PCOLCE: variants seen among roughly 807,000 people sequenced by gnomAD.
PCOLCE encodes procollagen C-endopeptidase enhancer 1.
In PCOLCE, 33 loss-of-function variants were observed where a neutral mutation model predicts 47.2. The observed-to-expected ratio is 0.70, with a 90% CI of 0.53 to 0.93. The LOEUF is 0.93. PCOLCE is among the 40% of genes least tolerant of loss of function. The pLI is 0.00. For synonymous variants in PCOLCE, 254 were observed against 252.5 expected (o/e 1.01, Z -0.06); for missense variants, 584 against 585.3 (o/e 1.00, Z 0.02).
chr7:100,605,212 CCA>C lies in PCOLCE; in HGVS notation c.586_587del (p.Gln196GlyfsTer10). On this transcript the variant is annotated frameshift_variant and splice_region_variant, in exon 4 of 9. Coordinates refer to ENST00000223061, the MANE Select transcript of PCOLCE (RefSeq NM_002593.4). LOFTEE classifies it high-confidence loss of function. This position sits in a 1 kb window ranked among gnomAD's most constrained non-coding sequence, Gnocchi z 6.1. Reference protein sequence around the residue: ...CSWHIIAPPDQVIALTFEKFD... With the variant: ...CSWHIIAPPDXVIALTFEKFD... ...CCTGGCACATCATCGCGCCCCCGGA[CCA>C]GGTACCGACCCTCCTCCCCGGGCTG... is the stretch of plus-strand genomic sequence containing the variant. 1 of 1,611,790 alleles carries C rather than the reference CCA, an allele frequency of 6.2e-7. No individual in the cohort carries two copies. The highest frequency in any genetic ancestry group is 8.5e-7 in the Non-Finnish European group (1 of 1,178,958).
intron 1 of PCOLCE, 72 bp downstream of exon 1, chr7:100,602,623 GA>G: frequency 9.9e-7 from 1 of 1,009,162 alleles, no homozygotes; most frequent in Non-Finnish European, 1.6e-6. Flanking sequence ...GTTATGCCTG[GA>G]GATATTTTGG....
chr7:100,602,488 G>T lies in PCOLCE; in HGVS notation c.32G>T (p.Gly11Val). MLPAATASLL[G>V]PLLTACALLP... ...CCTGCAGCCACAGCCTCCCTCCTGG[G>T]GCCCCTCCTCACTGCCTGCGCCCTG... Residue 11 changes from glycine (G) to valine (V), a missense_variant, in exon 1 of 9, where the codon GGG (glycine) becomes GTG (valine). Coordinates refer to ENST00000223061, the MANE Select transcript of PCOLCE (RefSeq NM_002593.4). 1 of 1,612,834 alleles carries T rather than the reference G, an allele frequency of 6.2e-7. No homozygotes were observed.
chr7:100,607,875 T>C (rs969896423), intron 8 of PCOLCE, 62 bp from the exon 9 acceptor site: 11 of 1,610,924 alleles, frequency 6.8e-6, no homozygotes, highest in Non-Finnish European at 9.3e-6. Context: ...AGGTGTGGAA[T>C]CTTGAGACCT....
chr7:100,605,277 C>T lies in PCOLCE; in HGVS notation c.588+62C>T. The T allele has an allele frequency of 6.5e-7, 1 of 1,530,614 alleles. No homozygotes were observed. The highest frequency in any genetic ancestry group is 2.3e-5 in the East Asian group (1 of 42,832). 94.8% of individuals were successfully genotyped at this position (1,530,614 alleles called of 1,614,324 possible). A position where few individuals can be genotyped will look rare whatever the true frequency, so the allele number is the denominator to read the frequency against. On this transcript the variant is annotated intron_variant, in intron 4 of 8. Coordinates refer to ENST00000223061, the MANE Select transcript of PCOLCE (RefSeq NM_002593.4). This position sits in a 1 kb window ranked among gnomAD's most constrained non-coding sequence, Gnocchi z 6.1. ...CAGGCGGCGCCCTCCAGCTTGCAGC[C>T]AGCAGAGATTTATTGAAGATCTGCT...
chr7:100,607,847 G>C (rs747972425), intron 8 of PCOLCE, 40 bp downstream of exon 8: 1 of 1,613,380 alleles, frequency 6.2e-7, no homozygotes, highest in African/African-American at 1.3e-5. Flanking sequence ...GTCAAGCTAA[G>C]CCACACAGAA....
At chr7:100,602,708 C>T (rs531455768) in intron 1 of PCOLCE, 157 bp downstream of exon 1, 1 of 620,024 alleles carries the variant, frequency 1.6e-6, no homozygotes, top group Admixed American at 2.7e-5. Context: ...TCCTCCCCAT[C>T]TGCTGCAAGA....
rs1199468569 is a variant in PCOLCE at position 100,606,640 on chromosome 7, G to A, written c.940+10G>A. ...TCTCCTTCAGCCCCTGGTGAGTCTG[G>A]GATAGGGGAGGAAGGGGAAACAGAC... On this transcript the variant is annotated intron_variant, in intron 6 of 8. Coordinates refer to ENST00000223061, the MANE Select transcript of PCOLCE (RefSeq NM_002593.4). The A allele has an allele frequency of 1.3e-6, 2 of 1,578,884 alleles. No individual in the cohort carries two copies. Among genetic ancestry groups the A allele is most frequent in the Non-Finnish European group, 1.7e-6 (2 of 1,157,288 alleles).
intron 1 of PCOLCE, chr7:100,603,159 G>A: frequency 2.7e-6 from 1 of 368,506 alleles, no homozygotes; most frequent in East Asian, 4.8e-5. Context: ...GGAGGATTCC[G>A]GGAATTCCTG....
chr7:100,606,980 A>G (rs1466427842), intron 6 of PCOLCE, among the ~76,000 whole-genome samples: 1 of 151,484 alleles, frequency 6.6e-6, no homozygotes, highest in Non-Finnish European at 1.5e-5. Context: ...AATCCCAGCT[A>G]CTCGGGAGGC....
At position 100,605,900 on chromosome 7, in the gene PCOLCE, G is replaced by A. The variant is rs1168111051; in HGVS notation, c.725+88G>A. The stretch of plus-strand genomic sequence containing the variant: ...TGGAGGGGCGGGGTTCAGCTAAAGG[G>A]ACGGGATCTGAACCCCAGGGCTCCA... On this transcript the variant is annotated intron_variant, in intron 5 of 8. Transcript: ENST00000223061. This position sits in a 1 kb window ranked among gnomAD's most constrained non-coding sequence, Gnocchi z 6.1. 6 of 1,396,682 alleles carry A rather than the reference G, an allele frequency of 4.3e-6. No individual in the cohort carries two copies. The Admixed American group carries it at 8.5e-5, about 20-fold the overall frequency. 86.5% of individuals were successfully genotyped at this position (1,396,682 alleles called of 1,614,324 possible).
In PCOLCE at chr7:100,604,203, C is replaced by T; in HGVS notation, c.449C>T (p.Ala150Val). 6.2e-7 allele frequency: 1 copy of T among 1,611,520 alleles called. No homozygotes were observed. ...TTCCTGCTCTGGTACAGCGGGCGGG[C>T]CACCTCGGGCACTGGTGAGAACTCC... Reference protein sequence around the residue: ...RGFLLWYSGRATSGTEHQFCG... With the variant: ...RGFLLWYSGRVTSGTEHQFCG... Residue 150 changes from alanine (A) to valine (V), a missense_variant, in exon 3 of 9, where the codon GCC (alanine) becomes GTC (valine). Transcript: ENST00000223061. The surrounding 1 kb of genome is among the most constrained non-coding windows in gnomAD (Gnocchi z 6.4).
Position 100,606,712 on chromosome 7 carries a change from C to T in PCOLCE, c.940+82C>T, listed in dbSNP as rs1802724353. The stretch of plus-strand genomic sequence containing the variant: ...GTTCTGACCTGGGCTGTGGCTCACA[C>T]CTGTAATCCCAGCATTTTGGGAGGT... On this transcript the variant is annotated intron_variant, in intron 6 of 8. Transcript: ENST00000223061. 5.8e-6 allele frequency: 6 copies of T among 1,042,768 alleles called. No individual in the cohort carries two copies. The South Asian group carries it at 9.8e-5, about 17-fold the overall frequency. The allele number at this position is 1,042,768 out of a possible 1,614,324, so 64.6% of individuals were successfully genotyped here.
At position 100,605,643 on chromosome 7, in the gene PCOLCE, C is replaced by T. The variant is rs1316026068; in HGVS notation, c.589-33C>T. 6.4e-7 allele frequency: 1 copy of T among 1,559,862 alleles called. No individual in the cohort carries two copies. Among genetic ancestry groups the T allele is most frequent in the Non-Finnish European group, 8.7e-7 (1 of 1,152,628 alleles). On this transcript the variant is annotated intron_variant, in intron 4 of 8. Coordinates refer to ENST00000223061, the MANE Select transcript of PCOLCE (RefSeq NM_002593.4). This position sits in a 1 kb window ranked among gnomAD's most constrained non-coding sequence, Gnocchi z 6.1. ...GAGGTGCAGGCGCCCAGGGGTGTCC[C>T]GCCGCGCAGTCCCCGCCTCCGCCCG...
At position 100,605,812 on chromosome 7, in the gene PCOLCE, G is replaced by A. The variant is rs1188892296; in HGVS notation, c.725G>A (p.Gly242Asp). The A allele has an allele frequency of 6.4e-7, 1 of 1,551,804 alleles. No homozygotes were observed. The highest frequency in any genetic ancestry group is 2.0e-5 in the Admixed American group (1 of 51,106). ...LGKFCGDAVP[G>D]SISSEGNELL... ...AAGTTCTGCGGCGACGCAGTCCCGGGGTGAGGGGCGGGACCTGGGCGAGTC... is the reference window on the plus strand; with the variant it reads ...AAGTTCTGCGGCGACGCAGTCCCGGAGTGAGGGGCGGGACCTGGGCGAGTC... The change falls in exon 5 of 9, where the codon GGC becomes GAC. Residue 242 changes from glycine (G) to aspartate (D), a missense_variant and splice_region_variant. Coordinates refer to ENST00000223061, the MANE Select transcript of PCOLCE (RefSeq NM_002593.4). This position sits in a 1 kb window ranked among gnomAD's most constrained non-coding sequence, Gnocchi z 6.1.
At position 100,606,223 on chromosome 7, in the gene PCOLCE, CG is replaced by C. The variant is rs970903094; in HGVS notation, c.726-189del. ...GCGTGCCTGTAGTCCCAGCAACTTG[CG>C]GGGCTGAGGCAGGAGGATTACTTGA... On this transcript the variant is annotated intron_variant, in intron 5 of 8. Coordinates refer to ENST00000223061, the MANE Select transcript of PCOLCE (RefSeq NM_002593.4). The C allele has an allele frequency of 3.2e-5, 18 of 565,440 alleles. No homozygotes were observed. The African/African-American group carries it at 3.2e-4, about 10-fold the overall frequency. 35.0% of individuals were successfully genotyped at this position (565,440 alleles called of 1,614,324 possible).
At position 100,605,215 on chromosome 7, in the gene PCOLCE, G is replaced by T. The variant is rs758156739; in HGVS notation, c.588G>T (p.Gln196His). The T allele has an allele frequency of 6.2e-7, 1 of 1,610,790 alleles. No individual in the cohort carries two copies. The highest frequency in any genetic ancestry group is 1.3e-5 in the African/African-American group (1 of 74,874). Reference protein sequence around the residue: ...CSWHIIAPPDQVIALTFEKFD... With the variant: ...CSWHIIAPPDHVIALTFEKFD... The stretch of plus-strand genomic sequence containing the variant: ...GGCACATCATCGCGCCCCCGGACCA[G>T]GTACCGACCCTCCTCCCCGGGCTGC... The change falls in exon 4 of 9, where the codon CAG (glutamine) becomes CAT (histidine). Residue 196 changes from glutamine to histidine, a missense_variant and splice_region_variant. Coordinates refer to ENST00000223061, the MANE Select transcript of PCOLCE (RefSeq NM_002593.4). The surrounding 1 kb of genome is among the most constrained non-coding windows in gnomAD (Gnocchi z 6.1).
Position 100,604,757 on chromosome 7 carries a change from ACT to A in PCOLCE, c.464-331_464-330del, listed in dbSNP as rs1802681034. 1 of 353,988 alleles carries A rather than the reference ACT, an allele frequency of 2.8e-6. No individual in the cohort carries two copies. Among genetic ancestry groups the A allele is most frequent in the South Asian group, 3.8e-5 (1 of 26,066 alleles). 21.9% of individuals were successfully genotyped at this position (353,988 alleles called of 1,614,324 possible). ...GACACCCTCTCCAGCCTGAAAGGGG[ACT>A]CTGCTGCAGGGCCGGGGAGATGGGA... On this transcript the variant is annotated intron_variant, in intron 3 of 8. Coordinates refer to ENST00000223061, the MANE Select transcript of PCOLCE (RefSeq NM_002593.4). The surrounding 1 kb of genome is among the most constrained non-coding windows in gnomAD (Gnocchi z 6.4).
chr7:100,604,411 A>C lies in PCOLCE; in HGVS notation c.463+194A>C, dbSNP rs1584440752. 5 of 583,942 alleles carry C rather than the reference A, an allele frequency of 8.6e-6. No homozygotes were observed. Among genetic ancestry groups the C allele is most frequent in the African/African-American group, 4.6e-5 (2 of 43,290 alleles). The allele number at this position is 583,942 out of a possible 1,614,324, so 36.2% of individuals were successfully genotyped here. On this transcript the variant is annotated intron_variant, in intron 3 of 8. Transcript: ENST00000223061. This position sits in a 1 kb window ranked among gnomAD's most constrained non-coding sequence, Gnocchi z 6.4. ...TCTTCTCTCCCCTCCTCCCGCACCC[A>C]CCCATCCCTCTTCCAGGGCCCCCCC...
At position 100,602,477 on chromosome 7, in the gene PCOLCE, C is replaced by T. The variant is rs968187830; in HGVS notation, c.21C>T (p.Ala7=). 2.5e-6 allele frequency: 4 copies of T among 1,612,508 alleles called. No individual in the cohort carries two copies. The African/African-American group carries it at 4.0e-5, about 16-fold the overall frequency. Residue 7 remains alanine (A), a synonymous_variant, in exon 1 of 9, where the codon GCC becomes GCT. Transcript: ENST00000223061. The part of the protein sequence containing the change: MLPAAT[A]SLLGPLLTAC... ...GGGCCATGCTGCCTGCAGCCACAGC[C>T]TCCCTCCTGGGGCCCCTCCTCACTG...
Sources: gnomAD v4.1 joint callset for allele counts (sites outside exome capture counted in the v4.1 genomes callset) on GRCh38, gnomAD v4.1.1 for gene constraint, Gnocchi (gnomAD v3.1) non-coding constraint, MANE v1.5 for transcripts, NCBI Gene and HGNC (gene_info 2026-07-23, HGNC 2026-07-21) for gene names.